The following ANKFN1 variants were observed in gnomAD, a reference collection of about 807,000 sequenced individuals.
ANKFN1 encodes ankyrin repeat and fibronectin type-III domain-containing protein 1.
A neutral mutation model predicts 108.7 loss-of-function variants in ANKFN1; 74 were observed. The ratio of observed to expected loss-of-function variants is 0.68; its 90% CI spans 0.56 to 0.83. The LOEUF (loss-of-function observed/expected upper bound fraction) is 0.83. Among genes scored for constraint, ANKFN1 ranks in the 40% least tolerant of loss-of-function variants. The pLI is 0.00. For synonymous variants in ANKFN1, 547 were observed against 516.2 expected, an observed-to-expected ratio of 1.06 and a Z score of -0.81; for missense variants, 1,505 against 1,382.3, an observed-to-expected ratio of 1.09 and a Z score of -1.41.
At chr17:56,373,512 G>A (rs959626617) in intron 7 of ANKFN1, among the ~76,000 whole-genome samples, 7 of 152,152 alleles carry the variant, frequency 4.6e-5, no homozygotes, top group Non-Finnish European at 7.4e-5. Flanking sequence ...GAAGGAGATC[G>A]TAACTAAACA....
At chr17:56,280,156 C>T (rs2044038210) in intron 3 of ANKFN1, among the ~76,000 whole-genome samples, 1 of 151,926 alleles carries the variant, frequency 6.6e-6, no homozygotes, top group African/African-American at 2.4e-5. Context: ...ACTACAGGTG[C>T]ATGCCACCAT....
At chr17:56,436,762 G>A (rs1355388534) in intron 8 of ANKFN1, among the ~76,000 whole-genome samples, 2 of 151,712 alleles carry the variant, frequency 1.3e-5, no homozygotes, top group East Asian at 1.9e-4. Flanking sequence ...CCCGGGAGGC[G>A]GAGGTTGGAG....
intron 3 of ANKFN1, among the ~76,000 whole-genome samples, chr17:56,319,343 A>T (rs1406588773): frequency 6.6e-6 from 1 of 152,216 alleles, no homozygotes; most frequent in African/African-American, 2.4e-5. Context: ...TTTATGAGTT[A>T]TCAAATCCTA....
intron 1 of ANKFN1, among the ~76,000 whole-genome samples, chr17:56,199,746 T>A (rs1913875903): frequency 2.0e-5 from 3 of 152,306 alleles, no homozygotes; most frequent in Non-Finnish European, 4.4e-5. Context: ...GAATTTTCGA[T>A]AAACAACAAA....
chr17:56,462,292 AT>A (rs1160613447), intron 14 of ANKFN1: 4 of 152,152 alleles, frequency 2.6e-5, no homozygotes, highest in Non-Finnish European at 5.9e-5. Flanking sequence ...CACTCTACTA[AT>A]TTAAAATATT....
At chr17:56,047,974 T>C (rs879873187) in intron 4 of ANKFN1, among the ~76,000 whole-genome samples, 3 of 152,234 alleles carry the variant, frequency 2.0e-5, no homozygotes, top group Non-Finnish European at 2.9e-5. Context: ...TTAAAGGATC[T>C]TCTCCTAATC....
At chr17:56,486,632 A>G (rs1280041870) in intron 18 of ANKFN1, among the ~76,000 whole-genome samples, 1 of 152,160 alleles carries the variant, frequency 6.6e-6, no homozygotes. Flanking sequence ...GCTAAGCATT[A>G]TTTTTTTCTA....
chr17:56,373,472 A>G (rs543073385), intron 7 of ANKFN1, among the ~76,000 whole-genome samples: 3 of 152,366 alleles, frequency 2.0e-5, no homozygotes, highest in Non-Finnish European at 2.9e-5. Context: ...TAAAATTCAA[A>G]CACTTGTGAA....
chr17:56,240,305 C>A (rs574125134), intron 3 of ANKFN1, among the ~76,000 whole-genome samples: 2 of 152,088 alleles, frequency 1.3e-5, no homozygotes, highest in East Asian at 3.9e-4. Context: ...GCCATATGTG[C>A]CATTCTGTAT....
At chr17:56,079,393 A>C (rs1471059109) in intron 4 of ANKFN1, among the ~76,000 whole-genome samples, 1 of 152,190 alleles carries the variant, frequency 6.6e-6, no homozygotes, top group Admixed American at 6.5e-5. Flanking sequence ...CATTAGTGCC[A>C]AGACCAAACA....
intron 1 of ANKFN1, among the ~76,000 whole-genome samples, chr17:56,205,327 ATTAG>A (rs1914438874): frequency 1.3e-5 from 2 of 152,212 alleles, no homozygotes; most frequent in Admixed American, 1.3e-4. Context: ...ATTGTCAAAA[ATTAG>A]TTTTTGTGTG....
intron 3 of ANKFN1, among the ~76,000 whole-genome samples, chr17:56,244,538 G>A (rs1182276270): frequency 6.6e-6 from 1 of 152,136 alleles, no homozygotes; most frequent in Non-Finnish European, 1.5e-5. Flanking sequence ...ACCAAGATAT[G>A]AGAAATCTGA....
At chr17:56,187,576 T>C (rs1912341140) in intron 1 of ANKFN1, among the ~76,000 whole-genome samples, 1 of 152,194 alleles carries the variant, frequency 6.6e-6, no homozygotes, top group South Asian at 2.1e-4. Flanking sequence ...CCCAGTCATC[T>C]CATTACTGGG....
chr17:56,449,129 GT>G lies in ANKFN1; in HGVS notation c.1154del (p.Leu385TrpfsTer36), dbSNP rs754686223. On this transcript the variant is annotated frameshift_variant, in exon 11 of 21. Transcript: ENST00000682825. LOFTEE classifies it high-confidence loss of function. ...GCCCAGACACAAGGGACAGAGTGAA[GT>G]TTTGGAAGGTCTGCTGCAGCAGGTC... Reference protein sequence around the residue: ...REPRHKGQSEVLEGLLQQVRA... With the variant: ...REPRHKGQSEXLEGLLQQVRA... 6.2e-7 allele frequency: 1 copy of G among 1,613,646 alleles called. No homozygotes were observed. Among genetic ancestry groups the G allele is most frequent in the East Asian group, 2.2e-5 (1 of 44,840 alleles).
chr17:56,264,611 G>C (rs566310307), intron 3 of ANKFN1, among the ~76,000 whole-genome samples: 1 of 152,068 alleles, frequency 6.6e-6, no homozygotes, highest in Non-Finnish European at 1.5e-5. Flanking sequence ...CAGGAATAAC[G>C]AATAACAAGA....
chr17:56,130,738 CT>C (rs1221822251), intron 4 of ANKFN1, among the ~76,000 whole-genome samples: 2 of 152,088 alleles, frequency 1.3e-5, no homozygotes, highest in African/African-American at 4.8e-5. Flanking sequence ...CTGAAGAGCC[CT>C]TTTTGCTCTT....
intron 1 of ANKFN1, among the ~76,000 whole-genome samples, chr17:56,197,397 G>A (rs897573558): frequency 1.3e-5 from 2 of 152,166 alleles, no homozygotes; most frequent in African/African-American, 2.4e-5. Context: ...ATTGTGGGGA[G>A]GTCTTGTATG....
At chr17:56,285,523 C>T (rs1451930133) in intron 3 of ANKFN1, among the ~76,000 whole-genome samples, 1 of 152,150 alleles carries the variant, frequency 6.6e-6, no homozygotes, top group Non-Finnish European at 1.5e-5. Context: ...GCAATTCACC[C>T]TCTCAGTTAA....
intron 4 of ANKFN1, among the ~76,000 whole-genome samples, chr17:56,128,510 C>T (rs748451330): frequency 6.6e-6 from 1 of 152,160 alleles, no homozygotes; most frequent in Non-Finnish European, 1.5e-5. Flanking sequence ...TGTTCTGTAA[C>T]AATGTCCTGG....
Sources: gnomAD v4.1 joint callset for allele counts (sites outside exome capture counted in the v4.1 genomes callset) on GRCh38, gnomAD v4.1.1 for gene constraint, MANE v1.5 for transcripts, NCBI Gene and HGNC (gene_info 2026-07-23, HGNC 2026-07-21) for gene names.